Variants in SLC7A8 observed in about 807,000 individuals in gnomAD.
The protein encoded by SLC7A8 is solute carrier family 7 member 8.
In SLC7A8, 30 loss-of-function variants were observed where a neutral mutation model predicts 51.2. The observed-to-expected ratio is 0.59, with a 90% CI of 0.44 to 0.80. SLC7A8 has a LOEUF of 0.80. Ranked by LOEUF, SLC7A8 falls within the 30% of genes least tolerant of loss-of-function variation. SLC7A8 has a pLI of 0.00. For missense variants in SLC7A8, 612 were observed against 674.4 expected (o/e 0.91, Z 1.03); for synonymous variants, 257 against 275.8 (o/e 0.93, Z 0.67).
chr14:23,154,931 A>G (rs1015631289), intron 3 of SLC7A8, among the ~76,000 whole-genome samples: 1 of 150,762 alleles, frequency 6.6e-6, no homozygotes, highest in South Asian at 2.1e-4. Context: ...AAAGTTATAC[A>G]TATAACTTGA....
chr14:23,152,586 G>T (rs776729076), intron 3 of SLC7A8, among the ~76,000 whole-genome samples: 2 of 151,362 alleles, frequency 1.3e-5, no homozygotes, highest in Non-Finnish European at 2.9e-5. Flanking sequence ...GCTAATTTTT[G>T]TATTTTTTGT....
At chr14:23,173,119 A>T (rs1313574321) in intron 1 of SLC7A8, among the ~76,000 whole-genome samples, 1 of 152,224 alleles carries the variant, frequency 6.6e-6, no homozygotes, top group East Asian at 1.9e-4. Flanking sequence ...GACTGCTATT[A>T]TTCAATACTC....
At chr14:23,166,173 T>C (rs1049554341) in intron 2 of SLC7A8, among the ~76,000 whole-genome samples, 163 bp downstream of exon 2, 8 of 152,146 alleles carry the variant, frequency 5.3e-5, no homozygotes, top group African/African-American at 1.9e-4. Flanking sequence ...AAGGCTACAC[T>C]AGCAACCATG....
intron 3 of SLC7A8, among the ~76,000 whole-genome samples, chr14:23,157,961 G>A (rs775949106): frequency 6.6e-6 from 1 of 152,112 alleles, no homozygotes; most frequent in Non-Finnish European, 1.5e-5. Flanking sequence ...ACAGTGCCTG[G>A]AGCAGAACAG....
rs796963428 is a variant in SLC7A8 at position 23,126,742 on chromosome 14, C to G, written c.*435G>C. ...CAGATAGGGTCTTGGGTCTCTCCAG[C>G]TGACCCCTTGATGGGGACAGAATTG... On this transcript the variant is annotated 3_prime_UTR_variant, in exon 11 of 11. Coordinates refer to ENST00000316902, the MANE Select transcript of SLC7A8 (RefSeq NM_012244.4). 33 of 195,926 alleles carry G rather than the reference C, an allele frequency of 1.7e-4. 1 individual carries two copies. The highest frequency in any genetic ancestry group is 7.7e-4 in the African/African-American group (33 of 43,128). The allele number at this position is 195,926 out of a possible 1,614,324, so 12.1% of individuals were successfully genotyped here. A position where few individuals can be genotyped will look rare whatever the true frequency, so the allele number is the denominator to read the frequency against.
chr14:23,142,854 G>T (rs2048757758), intron 4 of SLC7A8, among the ~76,000 whole-genome samples: 1 of 152,134 alleles, frequency 6.6e-6, no homozygotes. Context: ...AAGCATGGGA[G>T]AGGTGACCTT....
At chr14:23,156,812 C>T (rs2048895853) in intron 3 of SLC7A8, among the ~76,000 whole-genome samples, 2 of 152,146 alleles carry the variant, frequency 1.3e-5, no homozygotes, top group South Asian at 4.1e-4. Flanking sequence ...CAGAACAAGC[C>T]CCTCATTCCT....
At chr14:23,155,241 C>T in intron 3 of SLC7A8, 1 of 1,536,132 alleles carries the variant, frequency 6.5e-7, no homozygotes, top group Non-Finnish European at 8.7e-7. Context: ...CTCTCTCTTC[C>T]AAGGACACAC....
At chr14:23,131,601 C>G (rs531436229) in intron 7 of SLC7A8, 44 bp from the exon 8 acceptor site, 1 of 1,467,182 alleles carries the variant, frequency 6.8e-7, no homozygotes, top group African/African-American at 1.4e-5. Flanking sequence ...ACCCAGGGAC[C>G]ACCAAGCCCC....
intron 4 of SLC7A8, among the ~76,000 whole-genome samples, chr14:23,142,655 C>A (rs192967407): frequency 5.9e-5 from 9 of 152,272 alleles, no homozygotes; most frequent in Non-Finnish European, 1.3e-4. Context: ...CATGCACCAC[C>A]ATGCCCCATT....
chr14:23,140,724 T>C lies in SLC7A8; in HGVS notation c.635-100A>G, dbSNP rs1359964355. 7.7e-6 allele frequency: 9 copies of C among 1,173,928 alleles called. No individual in the cohort carries two copies. In the East Asian group the frequency reaches 2.1e-4, roughly 28 times the overall value. 72.7% of individuals were successfully genotyped at this position (1,173,928 alleles called of 1,614,324 possible). On this transcript the variant is annotated intron_variant, in intron 4 of 10. Coordinates refer to ENST00000316902, the MANE Select transcript of SLC7A8 (RefSeq NM_012244.4). ...CACCTCTCACCCCTCCCTGTGGCAATGACACCAACTCTGTCTTGTCTCCAG... is the reference window on the plus strand; with the variant it reads ...CACCTCTCACCCCTCCCTGTGGCAACGACACCAACTCTGTCTTGTCTCCAG...
At chr14:23,130,486 C>T (rs1332125094) in intron 8 of SLC7A8, among the ~76,000 whole-genome samples, 2 of 152,186 alleles carry the variant, frequency 1.3e-5, no homozygotes, top group African/African-American at 4.8e-5. Flanking sequence ...GTTCTGTTCT[C>T]TTGTGAGATC....
At chr14:23,164,458 T>C (rs1202094612) in intron 3 of SLC7A8, among the ~76,000 whole-genome samples, 2 of 152,224 alleles carry the variant, frequency 1.3e-5, no homozygotes, top group East Asian at 1.9e-4. Flanking sequence ...TTTCCTTATC[T>C]GTTCTGGGAA....
At chr14:23,127,932 G>A (rs1243180617) in intron 10 of SLC7A8, 87 bp downstream of exon 10, 1 of 1,185,348 alleles carries the variant, frequency 8.4e-7, no homozygotes, top group Non-Finnish European at 1.2e-6. Context: ...TAGATCTCCT[G>A]GCCCTGGTGG....
In SLC7A8 at chr14:23,125,496, T is replaced by C. The variant is rs1194994367; in HGVS notation, c.*1681A>G. On this transcript the variant is annotated 3_prime_UTR_variant, in exon 11 of 11. Transcript: ENST00000316902. ...TATCCAAAAAGTAAGGCATCAACTT[T>C]ACAAAAAAATAATTGAAGGAGGGGA... 1 of 152,304 alleles carries C rather than the reference T, an allele frequency of 6.6e-6. No individual in the cohort carries two copies. Among genetic ancestry groups the C allele is most frequent in the Non-Finnish European group, 1.5e-5 (1 of 67,980 alleles). 9.4% of individuals were successfully genotyped at this position (152,304 alleles called of 1,614,324 possible).
intron 1 of SLC7A8, among the ~76,000 whole-genome samples, chr14:23,171,371 AT>A (rs2048974492): frequency 1.3e-5 from 2 of 152,212 alleles, no homozygotes; most frequent in Non-Finnish European, 2.9e-5. Flanking sequence ...CACTAGAAAA[AT>A]TGCCGGAATT....
intron 1 of SLC7A8, among the ~76,000 whole-genome samples, chr14:23,168,961 C>A (rs576265165): frequency 6.6e-6 from 1 of 152,092 alleles, no homozygotes; most frequent in East Asian, 1.9e-4. Flanking sequence ...AGAGTGATTG[C>A]GAGGGTCACA....
chr14:23,170,400 T>C (rs2048969958), intron 1 of SLC7A8, among the ~76,000 whole-genome samples: 1 of 152,212 alleles, frequency 6.6e-6, no homozygotes, highest in Non-Finnish European at 1.5e-5. Context: ...AAGGCTTTTC[T>C]ACTTTGACTA....
At chr14:23,169,351 C>CAAAT (rs530355854) in intron 1 of SLC7A8, among the ~76,000 whole-genome samples, 390 of 151,874 alleles carry the variant, frequency 2.6e-3, no homozygotes, top group African/African-American at 8.8e-3. Context: ...GACCCTGTCT[C>CAAAT]AAATAAATAA....
Sources: gnomAD v4.1 joint callset for allele counts (sites outside exome capture counted in the v4.1 genomes callset) on GRCh38, gnomAD v4.1.1 for gene constraint, MANE v1.5 for transcripts, NCBI Gene and HGNC (gene_info 2026-07-23, HGNC 2026-07-21) for gene names.